The following SMCO1 variants were observed in gnomAD, a reference collection of about 807,000 sequenced individuals.
The protein encoded by SMCO1 is single-pass membrane and coiled-coil domain-containing protein 1.
In SMCO1, 9 loss-of-function variants were observed where a neutral mutation model predicts 7.5. The observed-to-expected ratio is 1.20, with a 90% CI of 0.72 to 2.09. The LOEUF is 2.09. Ranked by LOEUF, SMCO1 falls within the 30% of genes most tolerant of loss-of-function variation. The pLI is 0.00. For missense variants in SMCO1, 219 were observed against 253.1 expected (o/e 0.87, Z 0.91); for synonymous variants, 90 against 93.8 (o/e 0.96, Z 0.23).
rs1733087116 is a variant in SMCO1, at chr3:196,507,761, T to C, written c.*126A>G. ...AGAAAGTATCTATTGTATCAATTTG[T>C]CATAATTTATTTAACATCCTCTCAC... On this transcript the variant is annotated 3_prime_UTR_variant, in exon 3 of 3. Transcript: ENST00000397537. 1 of 630,192 alleles carries C rather than the reference T, an allele frequency of 1.6e-6. No homozygotes were observed. Among genetic ancestry groups the C allele is most frequent in the Non-Finnish European group, 2.8e-6 (1 of 360,282 alleles). 39.0% of individuals were successfully genotyped at this position (630,192 alleles called of 1,614,324 possible).
At chr3:196,518,126 G>A (rs1733427742), upstream of SMCO1, among the ~76,000 whole-genome samples, 1 of 152,246 alleles carries the variant, frequency 6.6e-6, no homozygotes, top group African/African-American at 2.4e-5. Context: ...CAGGCATCAT[G>A]GCAACCAGCC....
Position 196,507,840 on chromosome 3 carries a change from C to T in SMCO1, c.*47G>A, listed in dbSNP as rs1207722609. 1.6e-6 allele frequency: 2 copies of T among 1,249,156 alleles called. No individual in the cohort carries two copies. The highest frequency in any genetic ancestry group is 2.2e-6 in the Non-Finnish European group (2 of 892,016). The allele number at this position is 1,249,156 out of a possible 1,614,324, so 77.4% of individuals were successfully genotyped here. On this transcript the variant is annotated 3_prime_UTR_variant, in exon 3 of 3. Transcript: ENST00000397537. ...AATTGTGCATACTTTTTGCTGTTTC[C>T]AAGATAAATTACTGTAGGTGGAATC...
At chr3:196,509,969 T>C (rs2108661545) in intron 1 of SMCO1, among the ~76,000 whole-genome samples, 1 of 152,218 alleles carries the variant, frequency 6.6e-6, no homozygotes, top group South Asian at 2.1e-4. Flanking sequence ...TTTTGTATTA[T>C]ACCTTATACT....
chr3:196,511,132 T>G (rs6810083), intron 1 of SMCO1, among the ~76,000 whole-genome samples: 5 of 116,420 alleles, frequency 4.3e-5, no homozygotes, highest in African/African-American at 1.2e-4. Context: ...CTAGATTGTC[T>G]TTATGAGGGA....
chr3:196,514,025 C>T (rs769996245), intron 1 of SMCO1, among the ~76,000 whole-genome samples: 9 of 152,178 alleles, frequency 5.9e-5, no homozygotes, highest in Non-Finnish European at 1.3e-4. Context: ...ATGAGTTTCT[C>T]ATCATCTTTC....
At chr3:196,515,356 C>T, upstream of SMCO1, 1 of 642,364 alleles carries the variant, frequency 1.6e-6, no homozygotes. Flanking sequence ...TGAAAGGTCA[C>T]TCAGTACAAG....
upstream of SMCO1, among the ~76,000 whole-genome samples, chr3:196,517,666 A>G (rs1174736113): frequency 1.3e-5 from 2 of 150,170 alleles, no homozygotes; most frequent in Non-Finnish European, 3.0e-5. Context: ...GTTCATCTGA[A>G]TTCTATTTAT....
At chr3:196,518,390 A>G (rs1733431177), upstream of SMCO1, among the ~76,000 whole-genome samples, 1 of 151,980 alleles carries the variant, frequency 6.6e-6, no homozygotes, top group Non-Finnish European at 1.5e-5. Context: ...AATCCACTCT[A>G]CGTGTGTCTA....
At chr3:196,514,991 C>T (rs1733348351) in intron 1 of SMCO1, 169 bp downstream of exon 1, 8 of 749,014 alleles carry the variant, frequency 1.1e-5, no homozygotes, top group East Asian at 5.2e-5. Flanking sequence ...CCGCCCACCT[C>T]GGCCTCCCAG....
intron 1 of SMCO1, among the ~76,000 whole-genome samples, chr3:196,514,036 A>C (rs1024062590): frequency 6.6e-6 from 1 of 152,032 alleles, no homozygotes; most frequent in Non-Finnish European, 1.5e-5. Context: ...ATCATCTTTC[A>C]CTAGGACCCA....
chr3:196,513,399 G>A (rs750125398), intron 1 of SMCO1, among the ~76,000 whole-genome samples: 6 of 151,980 alleles, frequency 3.9e-5, no homozygotes, highest in Non-Finnish European at 7.4e-5. Context: ...GGGAGGCCAA[G>A]GCAGGTGGAT....
At chr3:196,515,063 T>C in intron 1 of SMCO1, 97 bp downstream of exon 1, 1 of 1,389,232 alleles carries the variant, frequency 7.2e-7, no homozygotes. Context: ...CTAATGAGCA[T>C]GTCTGCAGTT....
rs1250325025 is a variant in SMCO1 at position 196,507,838 on chromosome 3, T to C, written c.*49A>G. ...TAAATTGTGCATACTTTTTGCTGTT[T>C]CCAAGATAAATTACTGTAGGTGGAA... On this transcript the variant is annotated 3_prime_UTR_variant, in exon 3 of 3. Coordinates refer to ENST00000397537, the MANE Select transcript of SMCO1 (RefSeq NM_001077657.3). 1 of 1,225,040 alleles carries C rather than the reference T, an allele frequency of 8.2e-7. No homozygotes were observed. The highest frequency in any genetic ancestry group is 2.4e-5 in the Admixed American group (1 of 42,192). 75.9% of individuals were successfully genotyped at this position (1,225,040 alleles called of 1,614,324 possible).
chr3:196,515,140 T>G lies in SMCO1; in HGVS notation c.50+20A>C. 1 of 1,613,840 alleles carries G rather than the reference T, an allele frequency of 6.2e-7. No individual in the cohort carries two copies. The highest frequency in any genetic ancestry group is 8.5e-7 in the Non-Finnish European group (1 of 1,179,732). On this transcript the variant is annotated intron_variant, in intron 1 of 2. Coordinates refer to ENST00000397537, the MANE Select transcript of SMCO1 (RefSeq NM_001077657.3). ...GAATAGCAGACCCATGCTTGCTCCCTCCCTATAGCCCTCAGCAACCTTTTC... is the reference window on the plus strand; with the variant it reads ...GAATAGCAGACCCATGCTTGCTCCCGCCCTATAGCCCTCAGCAACCTTTTC...
the SMCO1 span, among the ~76,000 whole-genome samples, chr3:196,520,635 C>A: frequency 6.6e-6 from 1 of 152,154 alleles, no homozygotes; most frequent in Non-Finnish European, 1.5e-5. Flanking sequence ...TTTCTGACGA[C>A]CCCGATAGAT....
the SMCO1 span, among the ~76,000 whole-genome samples, chr3:196,520,661 A>C: frequency 6.6e-6 from 1 of 152,312 alleles, no homozygotes; most frequent in African/African-American, 2.4e-5. Context: ...GAAACTTTCC[A>C]AAATTTAACT....
chr3:196,520,736 T>C, the SMCO1 span, among the ~76,000 whole-genome samples: 1 of 152,180 alleles, frequency 6.6e-6, no homozygotes, highest in Non-Finnish European at 1.5e-5. Context: ...AGCAGGCAGT[T>C]CTTCAGGCAG....
intron 1 of SMCO1, among the ~76,000 whole-genome samples, chr3:196,512,673 A>C (rs1204775633): frequency 6.6e-6 from 1 of 151,292 alleles, no homozygotes; most frequent in African/African-American, 2.4e-5. Flanking sequence ...ACATCCGGCT[A>C]ATTTTTGTAT....
At chr3:196,515,039 A>G in intron 1 of SMCO1, 121 bp downstream of exon 1, 1 of 1,254,154 alleles carries the variant, frequency 8.0e-7, no homozygotes, top group South Asian at 1.2e-5. Flanking sequence ...CGCACCGGCC[A>G]CAGAGACAGA....
Sources: gnomAD v4.1 joint callset for allele counts (sites outside exome capture counted in the v4.1 genomes callset) on GRCh38, gnomAD v4.1.1 for gene constraint, MANE v1.5 for transcripts, NCBI Gene and HGNC (gene_info 2026-07-23, HGNC 2026-07-21) for gene names.